CDH13: variants seen among roughly 807,000 people sequenced by gnomAD.
CDH13 encodes cadherin-13.
CDH13 carries 24 observed loss-of-function variants against 63.8 expected under a neutral mutation model. The observed-to-expected ratio is 0.38, with a 90% CI of 0.27 to 0.53. CDH13 has a LOEUF of 0.53. Among genes scored for constraint, CDH13 ranks in the 20% least tolerant of loss-of-function variants. The pLI is 0.85. For missense variants in CDH13, 1,049 were observed against 903.1 expected, an observed-to-expected ratio of 1.16 and a Z score of -2.07; for synonymous variants, 503 against 355.3, an observed-to-expected ratio of 1.42 and a Z score of -4.67.
intron 7 of CDH13, among the ~76,000 whole-genome samples, chr16:83,512,680 A>AATG (rs2074600856): frequency 6.7e-6 from 1 of 150,110 alleles, no homozygotes; most frequent in African/African-American, 2.4e-5. Context: ...TAATAATAAT[A>AATG]ATAATATAAT....
At chr16:82,670,479 G>A (rs552504966) in intron 1 of CDH13, among the ~76,000 whole-genome samples, 1 of 152,314 alleles carries the variant, frequency 6.6e-6, no homozygotes, top group Middle Eastern at 3.4e-3. Flanking sequence ...AAGCTCACAT[G>A]TAGAAGGAAG....
chr16:83,787,974 A>G (rs192456265), intron 13 of CDH13, among the ~76,000 whole-genome samples: 1 of 152,346 alleles, frequency 6.6e-6, no homozygotes, highest in East Asian at 1.9e-4. Flanking sequence ...GGAACTCAAG[A>G]ATAACAGAGT....
At position 83,353,301 on chromosome 16, in the gene CDH13, C is replaced by G. The variant is rs1365154781; in HGVS notation, c.781+8295C>G. ...CCTCTGGTGATATCTCACACCGGCT[C>G]AGAACCAAGACAGTCGGCTCCCTTG... On this transcript the variant is annotated intron_variant, in intron 6 of 13. Coordinates refer to ENST00000567109, the MANE Select transcript of CDH13 (RefSeq NM_001257.5). Among the ~76,000 whole-genome samples the G allele has an allele frequency of 2.0e-5, 3 of 152,384 alleles. No individual in the cohort carries two copies. In the South Asian group the frequency reaches 6.2e-4, roughly 32 times the overall value.
At chr16:83,087,255 A>C (rs755156804) in intron 3 of CDH13, among the ~76,000 whole-genome samples, 1 of 152,188 alleles carries the variant, frequency 6.6e-6, no homozygotes, top group Non-Finnish European at 1.5e-5. Context: ...TGCTTTGAGA[A>C]ACATTGGATG....
chr16:83,636,630 T>A (rs983481765), intron 8 of CDH13, among the ~76,000 whole-genome samples: 1 of 152,220 alleles, frequency 6.6e-6, no homozygotes, highest in African/African-American at 2.4e-5. Context: ...TATGGTTACA[T>A]AGTATTCCAC....
chr16:83,366,053 T>C (rs761583975), intron 6 of CDH13, among the ~76,000 whole-genome samples: 1 of 152,294 alleles, frequency 6.6e-6, no homozygotes, highest in South Asian at 2.1e-4. Context: ...TTTATGATAA[T>C]TTTTTACAAT....
At chr16:83,511,106 ACGCATG>A (rs1405583828) in intron 7 of CDH13, among the ~76,000 whole-genome samples, 15 of 106,414 alleles carry the variant, frequency 1.4e-4, no homozygotes, top group South Asian at 1.3e-3. Context: ...GCACACATGC[ACGCATG>A]CACACACATG....
intron 8 of CDH13, 24 bp downstream of exon 8, chr16:83,602,618 A>G (rs1208186637): frequency 1.9e-6 from 3 of 1,613,134 alleles, no homozygotes; most frequent in East Asian, 2.2e-5. Flanking sequence ...CCAAACACCA[A>G]CCACCACTGT....
At chr16:83,077,661 T>A (rs2032942439) in intron 3 of CDH13, among the ~76,000 whole-genome samples, 1 of 152,212 alleles carries the variant, frequency 6.6e-6, no homozygotes, top group Non-Finnish European at 1.5e-5. Flanking sequence ...TGAATAAAAT[T>A]GCTATAAAAA....
chr16:83,779,960 T>C lies in CDH13; in HGVS notation c.1682-8T>C, dbSNP rs756990005. On this transcript the variant is annotated splice_polypyrimidine_tract_variant and splice_region_variant and intron_variant, in intron 11 of 13. Transcript: ENST00000567109. ...GTTGCATACCAACATCTTCCCTTTTTCCCACAGGCAACCCTCCCGCTACGG... is the reference window on the plus strand; with the variant it reads ...GTTGCATACCAACATCTTCCCTTTTCCCCACAGGCAACCCTCCCGCTACGG... 3.1e-5 allele frequency: 49 copies of C among 1,600,648 alleles called. No homozygotes were observed. The highest frequency in any genetic ancestry group is 3.3e-4 in the Middle Eastern group (2 of 6,038).
intron 5 of CDH13, among the ~76,000 whole-genome samples, chr16:83,280,448 G>C (rs1054014599): frequency 6.6e-6 from 1 of 152,158 alleles, no homozygotes; most frequent in East Asian, 1.9e-4. Flanking sequence ...TCTAGCTCTC[G>C]TACTGTTTCC....
chr16:83,488,608 T>C (rs1288231216), intron 7 of CDH13, among the ~76,000 whole-genome samples: 2 of 151,548 alleles, frequency 1.3e-5, no homozygotes, highest in African/African-American at 4.9e-5. Flanking sequence ...CCCTCCCTAT[T>C]TTTTTATTTT....
chr16:83,269,685 C>T (rs966551550), intron 5 of CDH13, among the ~76,000 whole-genome samples: 1 of 152,130 alleles, frequency 6.6e-6, no homozygotes, highest in Non-Finnish European at 1.5e-5. Flanking sequence ...CATCTCTGCC[C>T]AGTACCCTGA....
At chr16:83,055,818 C>G (rs528749752) in intron 3 of CDH13, among the ~76,000 whole-genome samples, 5 of 152,122 alleles carry the variant, frequency 3.3e-5, no homozygotes, top group Non-Finnish European at 5.9e-5. Context: ...ATAAGCCAGT[C>G]TCTCTAATGA....
intron 11 of CDH13, among the ~76,000 whole-genome samples, chr16:83,775,467 C>T (rs1365788863): frequency 4.7e-5 from 7 of 149,324 alleles, no homozygotes; most frequent in Non-Finnish European, 1.0e-4. Flanking sequence ...CTCAGCCAGA[C>T]CCCCACATGT....
intron 10 of CDH13, among the ~76,000 whole-genome samples, chr16:83,691,860 G>A (rs567805508): frequency 2.0e-4 from 31 of 152,100 alleles, no homozygotes; most frequent in African/African-American, 4.3e-4. Context: ...TCAAGGTTAC[G>A]ATATAGTAGC....
intron 5 of CDH13, among the ~76,000 whole-genome samples, chr16:83,264,573 T>C (rs1403006060): frequency 1.3e-5 from 2 of 151,516 alleles, no homozygotes; most frequent in Non-Finnish European, 2.9e-5. Flanking sequence ...TGTGTATACA[T>C]ATGTGTATAT....
intron 2 of CDH13, among the ~76,000 whole-genome samples, chr16:82,940,349 C>A (rs567071340): frequency 6.6e-6 from 1 of 152,008 alleles, no homozygotes; most frequent in South Asian, 2.1e-4. Context: ...ACAGTCACCT[C>A]GGGGAGTAAT....
intron 1 of CDH13, among the ~76,000 whole-genome samples, chr16:82,805,706 G>C (rs951836387): frequency 2.0e-5 from 3 of 152,138 alleles, no homozygotes; most frequent in African/African-American, 7.2e-5. Flanking sequence ...TCATAGTCTG[G>C]TGATTTCTAA....
Sources: allele counts gnomAD v4.1 joint callset (sites outside exome capture counted in the v4.1 genomes callset), GRCh38; gene constraint gnomAD v4.1.1; transcripts MANE v1.5; gene names NCBI Gene and HGNC (gene_info 2026-07-23, HGNC 2026-07-21).